DPYSL4: variants seen among roughly 807,000 people sequenced by gnomAD.
DPYSL4 encodes dihydropyrimidinase-related protein 4.
Under a neutral mutation model 63.4 loss-of-function variants are expected in DPYSL4, and 43 were observed. The observed-to-expected ratio is 0.68, with a 90% CI of 0.53 to 0.88. The LOEUF (loss-of-function observed/expected upper bound fraction) is 0.88, where lower values mean the gene tolerates loss of function less well. DPYSL4 is among the 40% of genes least tolerant of loss of function. The pLI is 0.00. For missense variants in DPYSL4, 733 were observed against 819.5 expected, an observed-to-expected ratio of 0.89 and a Z score of 1.29; for synonymous variants, 353 against 331.7, an observed-to-expected ratio of 1.06 and a Z score of -0.70.
In DPYSL4 at chr10:132,205,045, G is replaced by A. The variant is rs897491600; in HGVS notation, c.*115G>A. The A allele has an allele frequency of 1.2e-6, 1 of 834,054 alleles. No homozygotes were observed. The highest frequency in any genetic ancestry group is 2.8e-5 in the Admixed American group (1 of 35,224). 51.7% of individuals were successfully genotyped at this position (834,054 alleles called of 1,614,324 possible). ...TTGTAGAAGTTTCTCGAAGGTGCTT[G>A]GCGGTCTTGCCTTCCCCCTCCCCAC... On this transcript the variant is annotated 3_prime_UTR_variant, in exon 14 of 14. Coordinates refer to ENST00000338492, the MANE Select transcript of DPYSL4 (RefSeq NM_006426.3).
intron 3 of DPYSL4, 137 bp from the exon 4 acceptor site, chr10:132,194,708 G>T: frequency 1.8e-6 from 2 of 1,087,964 alleles, no homozygotes; most frequent in Non-Finnish European, 2.7e-6. Flanking sequence ...CTCTCTCAGG[G>T]GCCGGTGGCC....
At chr10:132,197,224 C>G (rs2061957784) in intron 6 of DPYSL4, 123 bp downstream of exon 6, 2 of 871,056 alleles carry the variant, frequency 2.3e-6, no homozygotes, top group South Asian at 3.9e-5. Flanking sequence ...GCACAGAATC[C>G]CACAAAACCT....
chr10:132,198,824 G>T (rs748513086), intron 7 of DPYSL4, 27 bp from the exon 8 acceptor site: 1 of 1,611,982 alleles, frequency 6.2e-7, no homozygotes, highest in South Asian at 1.1e-5. Context: ...CCCTCGTGTG[G>T]CCTCATCCCT....
At chr10:132,198,237 A>C (rs1465920806) in intron 6 of DPYSL4, among the ~76,000 whole-genome samples, 178 bp from the exon 7 acceptor site, 1 of 152,066 alleles carries the variant, frequency 6.6e-6, no homozygotes, top group Non-Finnish European at 1.5e-5. Context: ...AGGGAGCAGG[A>C]ATCACACCTC....
At chr10:132,203,674 T>G (rs1438688748) in intron 12 of DPYSL4, 88 bp from the exon 13 acceptor site, 2 of 1,310,900 alleles carry the variant, frequency 1.5e-6, no homozygotes, top group South Asian at 1.3e-5. Context: ...CAGCTGCCCA[T>G]GCTCAGCCCC....
intron 3 of DPYSL4, among the ~76,000 whole-genome samples, chr10:132,194,491 G>T (rs558112363): frequency 2.0e-5 from 3 of 152,328 alleles, no homozygotes; most frequent in African/African-American, 7.2e-5. Context: ...CCCTCGGGGT[G>T]CCTCACCCAG....
chr10:132,204,702 T>C (rs2062070495), intron 13 of DPYSL4, 137 bp from the exon 14 acceptor site: 1 of 657,848 alleles, frequency 1.5e-6, no homozygotes, highest in Non-Finnish European at 2.4e-6. Flanking sequence ...CTGCTTGGCC[T>C]TCTGGTGGTG....
chr10:132,193,334 C>G (rs1232327125), intron 3 of DPYSL4, among the ~76,000 whole-genome samples: 1 of 152,224 alleles, frequency 6.6e-6, no homozygotes, highest in African/African-American at 2.4e-5. Context: ...CAAAAAATAA[C>G]CCGAGTTGCT....
intron 6 of DPYSL4, among the ~76,000 whole-genome samples, chr10:132,197,390 C>G (rs1231072987): frequency 6.6e-6 from 1 of 152,222 alleles, no homozygotes; most frequent in Non-Finnish European, 1.5e-5. Context: ...CCCCAGGGAT[C>G]GAGGCCCCTC....
chr10:132,197,897 T>G (rs2061965923), intron 6 of DPYSL4, among the ~76,000 whole-genome samples: 1 of 152,190 alleles, frequency 6.6e-6, no homozygotes, highest in African/African-American at 2.4e-5. Context: ...CAGGAGGTTG[T>G]CCTGGGTCTA....
At position 132,203,787 on chromosome 10, in the gene DPYSL4, G is replaced by A. The variant is rs770467261; in HGVS notation, c.1487G>A (p.Arg496His). 1.6e-5 allele frequency: 25 copies of A among 1,611,314 alleles called. No homozygotes were observed. Among genetic ancestry groups the A allele is most frequent in the African/African-American group, 2.7e-5 (2 of 74,910 alleles). The change falls in exon 13 of 14, where the codon CGT (arginine) becomes CAT (histidine). Residue 496 changes from arginine to histidine, a missense_variant. Transcript: ENST00000338492. ...NRLAEIHGVP[R>H]GLYDGPVHEV... is the part of the protein sequence containing the mutation. ...CTGGCGGAGATCCACGGTGTGCCCCGTGGACTGTATGACGGGCCCGTCCAC... is the reference window on the plus strand; with the variant it reads ...CTGGCGGAGATCCACGGTGTGCCCCATGGACTGTATGACGGGCCCGTCCAC...
In DPYSL4 at chr10:132,198,417, G is replaced by C; in HGVS notation, c.624G>C (p.Glu208Asp). Residue 208 changes from glutamate (E) to aspartate (D), a missense_variant and splice_region_variant, in exon 7 of 14, where the codon GAG (glutamate) becomes GAC (aspartate). Coordinates refer to ENST00000338492, the MANE Select transcript of DPYSL4 (RefSeq NM_006426.3). ...AGGCATCCTGTTGGTTTCTTTAGGA[G>C]CAGAAGCGGTTGCTGGAGCTCGGCA... ...HAENGDIVEE[E>D]QKRLLELGIT... 6.2e-7 allele frequency: 1 copy of C among 1,605,646 alleles called. No individual in the cohort carries two copies. The highest frequency in any genetic ancestry group is 1.1e-5 in the South Asian group (1 of 89,210).
chr10:132,189,130 C>T (rs2061841069), intron 1 of DPYSL4, among the ~76,000 whole-genome samples: 1 of 152,264 alleles, frequency 6.6e-6, no homozygotes, highest in South Asian at 2.1e-4. Flanking sequence ...AGGCTAGGGC[C>T]CTGGCCACCT....
chr10:132,204,802 C>T, intron 13 of DPYSL4, 37 bp from the exon 14 acceptor site: 2 of 1,561,730 alleles, frequency 1.3e-6, no homozygotes, highest in Non-Finnish European at 1.7e-6. Flanking sequence ...CCTGCCCCTG[C>T]CTCATTCTCC....
intron 2 of DPYSL4, chr10:132,192,148 T>C (rs1027993702): frequency 1.4e-5 from 3 of 215,652 alleles, no homozygotes; most frequent in Non-Finnish European, 2.4e-5. Flanking sequence ...GGTTTCTTCT[T>C]TTCTAAACCC....
chr10:132,201,116 G>A, intron 10 of DPYSL4, 133 bp downstream of exon 10: 1 of 1,340,380 alleles, frequency 7.5e-7, no homozygotes, highest in Non-Finnish European at 9.9e-7. Flanking sequence ...GCTCCGGGGT[G>A]GCGGATTCCC....
At position 132,195,516 on chromosome 10, in the gene DPYSL4, C is replaced by T. The variant is rs149460774; in HGVS notation, c.478+507C>T. Among the ~76,000 whole-genome samples, 838 of 152,278 alleles carry T rather than the reference C, an allele frequency of 5.5e-3. 9 individuals are homozygous for T. Among genetic ancestry groups the T allele is most frequent in the African/African-American group, 0.019 (800 of 41,560 alleles). ...TAGCCGATCTCTCCTAATCTGAGTC[C>T]GGCCCACAGCTTCCAGCCTGGAGGT... On this transcript the variant is annotated intron_variant, in intron 4 of 13. Transcript: ENST00000338492.
chr10:132,187,289 G>GCGC (rs2061809718), intron 1 of DPYSL4, among the ~76,000 whole-genome samples, 187 bp downstream of exon 1: 1 of 151,280 alleles, frequency 6.6e-6, no homozygotes, highest in African/African-American at 2.4e-5. Context: ...GTCCCCGCTA[G>GCGC]CGCCGCGCAG....
intron 3 of DPYSL4, among the ~76,000 whole-genome samples, chr10:132,193,970 G>A (rs1025512852): frequency 2.0e-5 from 3 of 152,258 alleles, no homozygotes; most frequent in Non-Finnish European, 4.4e-5. Context: ...TTCAGGGGGC[G>A]GCCCAAGCCG....
Sources: gnomAD v4.1 joint callset for allele counts (sites outside exome capture counted in the v4.1 genomes callset) on GRCh38, gnomAD v4.1.1 for gene constraint, MANE v1.5 for transcripts, NCBI Gene and HGNC (gene_info 2026-07-23, HGNC 2026-07-21) for gene names.